Variants in FBXL17 observed in about 807,000 individuals in gnomAD.
FBXL17 encodes F-box and leucine rich repeat protein 17, also known as F-box/LRR-repeat protein 17.
A neutral mutation model predicts 66.2 loss-of-function variants in FBXL17; 22 were observed. The observed-to-expected ratio is 0.33, with a 90% CI of 0.24 to 0.47. The LOEUF is 0.47. FBXL17 is among the 20% of genes least tolerant of loss of function. The pLI, the probability that FBXL17 is intolerant of heterozygous loss-of-function variation, is 1.00. For synonymous variants in FBXL17, 474 were observed against 400.5 expected (o/e 1.18, Z -2.19); for missense variants, 878 against 948.2 (o/e 0.93, Z 0.97).
intron 6 of FBXL17, among the ~76,000 whole-genome samples, chr5:108,081,709 T>C (rs1275255299): frequency 4.6e-5 from 7 of 151,776 alleles, no homozygotes; most frequent in East Asian, 2.0e-4. Flanking sequence ...GGCGACAGAG[T>C]GAGACTCTGT....
intron 7 of FBXL17, among the ~76,000 whole-genome samples, chr5:107,953,433 G>A (rs1237529048): frequency 2.0e-5 from 3 of 148,430 alleles, no homozygotes; most frequent in African/African-American, 7.4e-5. Flanking sequence ...AAGGCAGATG[G>A]AATCCATGAA....
chr5:108,100,835 G>A (rs1749571422), intron 6 of FBXL17, among the ~76,000 whole-genome samples: 1 of 152,094 alleles, frequency 6.6e-6, no homozygotes, highest in Non-Finnish European at 1.5e-5. Flanking sequence ...TTGCTTTCAA[G>A]GGGGAACTGC....
At chr5:108,117,605 C>CT (rs1313247385) in intron 6 of FBXL17, among the ~76,000 whole-genome samples, 1 of 152,002 alleles carries the variant, frequency 6.6e-6, no homozygotes, top group African/African-American at 2.4e-5. Context: ...TCCCAAATGA[C>CT]TATGAAGATG....
At chr5:107,878,363 GT>G (rs1181380360) in intron 8 of FBXL17, 2 of 882,614 alleles carry the variant, frequency 2.3e-6, no homozygotes, top group African/African-American at 1.8e-5. Flanking sequence ...AGACTAATCA[GT>G]AACAGAGCAT....
intron 7 of FBXL17, among the ~76,000 whole-genome samples, chr5:107,896,665 A>T (rs1189779375): frequency 6.6e-6 from 1 of 152,210 alleles, no homozygotes. Flanking sequence ...AATGCTCCCA[A>T]GAAGCAGAGA....
chr5:108,335,980 T>G (rs1294298294), intron 4 of FBXL17, among the ~76,000 whole-genome samples: 1 of 152,050 alleles, frequency 6.6e-6, no homozygotes, highest in Admixed American at 6.6e-5. Context: ...CTTGTCCAAT[T>G]TTTTCCCCTC....
chr5:108,257,778 A>T (rs1756636960), intron 4 of FBXL17, among the ~76,000 whole-genome samples: 1 of 152,146 alleles, frequency 6.6e-6, no homozygotes, highest in African/African-American at 2.4e-5. Context: ...AAATGGGCAA[A>T]ATGATCTTAA....
intron 7 of FBXL17, among the ~76,000 whole-genome samples, chr5:108,000,075 T>G (rs1231598821): frequency 1.3e-5 from 2 of 152,230 alleles, no homozygotes; most frequent in African/African-American, 4.8e-5. Context: ...TTTGCTTAAC[T>G]TCCCTGGATT....
intron 7 of FBXL17, among the ~76,000 whole-genome samples, chr5:107,929,882 T>C (rs916323635): frequency 6.6e-6 from 1 of 152,144 alleles, no homozygotes; most frequent in Non-Finnish European, 1.5e-5. Context: ...ATACTCTATT[T>C]CCCTACACTT....
chr5:108,213,376 G>A (rs989230291), intron 5 of FBXL17, among the ~76,000 whole-genome samples: 2 of 152,188 alleles, frequency 1.3e-5, no homozygotes, highest in African/African-American at 2.4e-5. Context: ...TTCGGTGTCT[G>A]CCCAAATGGC....
intron 6 of FBXL17, among the ~76,000 whole-genome samples, chr5:108,094,174 G>A (rs1043345153): frequency 6.6e-6 from 1 of 152,088 alleles, no homozygotes; most frequent in Non-Finnish European, 1.5e-5. Context: ...ATAGTAGTGT[G>A]TGCTCTTTTC....
At chr5:107,997,987 A>G (rs1169018218) in intron 7 of FBXL17, among the ~76,000 whole-genome samples, 1 of 152,232 alleles carries the variant, frequency 6.6e-6, no homozygotes, top group Non-Finnish European at 1.5e-5. Flanking sequence ...TTCTAGAGCT[A>G]CACTGTCCAA....
At chr5:108,006,675 T>C (rs1040048254) in intron 7 of FBXL17, among the ~76,000 whole-genome samples, 4 of 152,200 alleles carry the variant, frequency 2.6e-5, no homozygotes, top group African/African-American at 9.7e-5. Flanking sequence ...CTTAGCTCTT[T>C]TTATGGGAAG....
intron 1 of FBXL17, among the ~76,000 whole-genome samples, chr5:108,371,985 C>T (rs1467054640): frequency 6.6e-6 from 1 of 152,132 alleles, no homozygotes; most frequent in Non-Finnish European, 1.5e-5. Context: ...GACAGGTAAG[C>T]CTGCTCTCCA....
At chr5:107,871,778 C>T (rs1470071199) in intron 8 of FBXL17, among the ~76,000 whole-genome samples, 1 of 151,078 alleles carries the variant, frequency 6.6e-6, no homozygotes, top group Non-Finnish European at 1.5e-5. Flanking sequence ...AACAACTAGG[C>T]CCTAATAAGA....
At chr5:108,164,976 A>G (rs1752359232) in intron 6 of FBXL17, among the ~76,000 whole-genome samples, 1 of 152,246 alleles carries the variant, frequency 6.6e-6, no homozygotes, top group Non-Finnish European at 1.5e-5. Flanking sequence ...TGATGATAGC[A>G]TCCACAATTG....
chr5:108,127,839 C>A (rs1349859818), intron 6 of FBXL17, among the ~76,000 whole-genome samples: 2 of 152,150 alleles, frequency 1.3e-5, no homozygotes, highest in African/African-American at 4.8e-5. Flanking sequence ...ATAAATCCAT[C>A]CAAACAGTGA....
chr5:107,870,979 A>T (rs1329735202), intron 8 of FBXL17, among the ~76,000 whole-genome samples: 1 of 149,502 alleles, frequency 6.7e-6, no homozygotes, highest in East Asian at 2.0e-4. Flanking sequence ...CGCTTCATGC[A>T]TGAACCTCAT....
chr5:108,195,667 G>A (rs1037480322), intron 5 of FBXL17, among the ~76,000 whole-genome samples: 1 of 152,188 alleles, frequency 6.6e-6, no homozygotes, highest in Non-Finnish European at 1.5e-5. Flanking sequence ...ATAGATCCAA[G>A]GGTGGAAGCA....
Sources: gnomAD v4.1 joint callset for allele counts (sites outside exome capture counted in the v4.1 genomes callset) on GRCh38, gnomAD v4.1.1 for gene constraint, MANE v1.5 for transcripts, NCBI Gene and HGNC (gene_info 2026-07-23, HGNC 2026-07-21) for gene names.